AQR: variants seen among roughly 807,000 people sequenced by gnomAD.
AQR encodes the protein RNA helicase aquarius.
In AQR, 61 loss-of-function variants were observed where a neutral mutation model predicts 180.5. The ratio of observed to expected loss-of-function variants is 0.34; its 90% CI spans 0.28 to 0.42. The LOEUF is 0.42. Among genes scored for constraint, AQR ranks in the 10% least tolerant of loss-of-function variants. The pLI, the probability that AQR is intolerant of heterozygous loss-of-function variation, is 1.00. For missense variants in AQR, 1,281 were observed against 1,798.3 expected, an observed-to-expected ratio of 0.71 and a Z score of 5.20; for synonymous variants, 551 against 588.8, an observed-to-expected ratio of 0.94 and a Z score of 0.93.
chr15:34,950,320 C>G (rs1333066244), intron 4 of AQR, among the ~76,000 whole-genome samples: 1 of 151,968 alleles, frequency 6.6e-6, no homozygotes, highest in African/African-American at 2.4e-5. Flanking sequence ...GATCTCTTGA[C>G]CTTGTGATCC....
At chr15:34,906,110 C>T (rs1566986693) in intron 18 of AQR, among the ~76,000 whole-genome samples, 1 of 151,850 alleles carries the variant, frequency 6.6e-6, no homozygotes. Context: ...GGTGTGGTGG[C>T]GGCTCATGTC....
At chr15:34,885,384 CAA>C (rs1264013286) in intron 25 of AQR, among the ~76,000 whole-genome samples, 2 of 152,132 alleles carry the variant, frequency 1.3e-5, no homozygotes, top group Non-Finnish European at 2.9e-5. Flanking sequence ...CAGTGTTTCT[CAA>C]AAGTGTAGTC....
At position 34,884,671 on chromosome 15, in the gene AQR, C is replaced by T. The variant is rs751782513; in HGVS notation, c.2881G>A (p.Val961Ile). ...GGGAAGAAAGTGGAGACTTCCGTAA[C>T]ATCTGGCAATGTACTACCTTTATTT... ...VKNKGSTLPDVTEVSTFFPFH... is the reference protein window; with the variant it reads ...VKNKGSTLPDITEVSTFFPFH... The change falls in exon 26 of 35, where the codon GTT becomes ATT. Residue 961 changes from valine to isoleucine, a missense_variant. By Grantham distance (29) the Val-to-Ile change is conservative. This residue lies in a region of AQR where 125 missense variants were observed against 185.0 expected (regional missense o/e 0.68). Coordinates refer to ENST00000156471, the MANE Select transcript of AQR (RefSeq NM_014691.3). 59 of 1,612,492 alleles carry T rather than the reference C, an allele frequency of 3.7e-5. 1 individual carries two copies. Among genetic ancestry groups the T allele is most frequent in the Middle Eastern group, 3.3e-4 (2 of 6,040 alleles).
intron 3 of AQR, among the ~76,000 whole-genome samples, chr15:34,954,848 G>A (rs975425799): frequency 4.6e-5 from 7 of 152,150 alleles, no homozygotes; most frequent in Non-Finnish European, 1.0e-4. Flanking sequence ...GGAAGGCCGG[G>A]CATGGTGGCT....
chr15:34,906,803 T>C (rs1893426165), intron 17 of AQR, 91 bp from the exon 18 acceptor site: 1 of 1,285,626 alleles, frequency 7.8e-7, no homozygotes. Context: ...CTACCTCTTA[T>C]CTTTGGTAGA....
chr15:34,965,411 C>T (rs973152864), intron 1 of AQR, among the ~76,000 whole-genome samples: 1 of 152,186 alleles, frequency 6.6e-6, no homozygotes, highest in African/African-American at 2.4e-5. Flanking sequence ...TGGCTCATGC[C>T]TGTAATCTCA....
In AQR at chr15:34,915,040, T is replaced by C. The variant is rs767591260; in HGVS notation, c.1482A>G (p.Pro494=). The C allele has an allele frequency of 2.5e-6, 4 of 1,599,686 alleles. No homozygotes were observed. The highest frequency in any genetic ancestry group is 1.1e-5 in the South Asian group (1 of 87,332). The part of the protein sequence containing the change: ...DIEDSVSRMK[P]WQSEYGGVVF... The stretch of plus-strand genomic sequence containing the variant: ...ACAGGTGGAACCAATTTACTAACCA[T>C]GGCTTCATTCTGCTGACACTATCTT... Residue 494 remains proline, a splice_region_variant and synonymous_variant, in exon 16 of 35, where the codon CCA becomes CCG. Coordinates refer to ENST00000156471, the MANE Select transcript of AQR (RefSeq NM_014691.3).
intron 27 of AQR, among the ~76,000 whole-genome samples, chr15:34,876,378 A>T (rs1435547983): frequency 6.6e-6 from 1 of 152,044 alleles, no homozygotes; most frequent in Non-Finnish European, 1.5e-5. Context: ...TCCCTTTGGT[A>T]CTCTTACTCT....
chr15:34,922,581 G>A lies in AQR; in HGVS notation c.1119-2147C>T, dbSNP rs562146152. ...GTTTTTTTGGTTTTGTTGAGACAGG[G>A]TCTTACTCTGTCATCCAGGCTGAAG... On this transcript the variant is annotated intron_variant, in intron 13 of 34. Transcript: ENST00000156471. 9.9e-5 allele frequency among the ~76,000 whole-genome samples: 15 copies of A among 152,046 alleles called. No individual in the cohort carries two copies. The South Asian group carries it at 3.1e-3, about 32-fold the overall frequency.
chr15:34,908,571 TA>T (rs1893454342), intron 17 of AQR, among the ~76,000 whole-genome samples: 1 of 152,204 alleles, frequency 6.6e-6, no homozygotes, highest in African/African-American at 2.4e-5. Context: ...CTCTCCATCA[TA>T]CCCCAGATTA....
chr15:34,897,796 G>T, intron 20 of AQR, 91 bp from the exon 21 acceptor site: 1 of 1,365,186 alleles, frequency 7.3e-7, no homozygotes, highest in Non-Finnish European at 1.0e-6. Flanking sequence ...ACGATAATCA[G>T]AGGAGTAAGA....
intron 31 of AQR, 32 bp downstream of exon 31, chr15:34,870,716 GATGA>G (rs1892804448): frequency 6.4e-7 from 1 of 1,562,384 alleles, no homozygotes; most frequent in Non-Finnish European, 8.7e-7. Flanking sequence ...TTGCCAAAAT[GATGA>G]ATAAGAGAAC....
At chr15:34,928,226 T>C (rs1247592107) in intron 12 of AQR, among the ~76,000 whole-genome samples, 2 of 152,204 alleles carry the variant, frequency 1.3e-5, no homozygotes, top group African/African-American at 4.8e-5. Context: ...CCATTATTTA[T>C]TTATTTTTTC....
At chr15:34,903,636 T>A (rs1893367622) in intron 19 of AQR, among the ~76,000 whole-genome samples, 1 of 152,142 alleles carries the variant, frequency 6.6e-6, no homozygotes, top group Non-Finnish European at 1.5e-5. Flanking sequence ...ACAACAGGGT[T>A]ACATAAAAGT....
intron 9 of AQR, among the ~76,000 whole-genome samples, chr15:34,936,812 C>T (rs1893952220): frequency 1.3e-5 from 2 of 151,960 alleles, no homozygotes; most frequent in South Asian, 4.2e-4. Flanking sequence ...GCCCTATGTT[C>T]TTGCTTTTGA....
rs75184414 is a variant in AQR, at chr15:34,855,533, T to C, written c.*1259A>G. On this transcript the variant is annotated 3_prime_UTR_variant, in exon 35 of 35. Coordinates refer to ENST00000156471, the MANE Select transcript of AQR (RefSeq NM_014691.3). ...TACACATACATATAAACATTTCCTT[T>C]TTTTTTTTTTTTTTTCCAGTTCTGG... is the stretch of plus-strand genomic sequence containing the variant. 1.1e-4 allele frequency: 2 copies of C among 18,430 alleles called. No individual in the cohort carries two copies. The highest frequency in any genetic ancestry group is 5.1e-4 in the Non-Finnish European group (2 of 3,954). The allele number at this position is 18,430 out of a possible 1,614,324, so 1.1% of individuals were successfully genotyped here.
intron 3 of AQR, among the ~76,000 whole-genome samples, chr15:34,955,980 T>C (rs1414308015): frequency 6.6e-6 from 1 of 151,646 alleles, no homozygotes; most frequent in Non-Finnish European, 1.5e-5. Context: ...TTATTTAAAG[T>C]TGAAAAAGAA....
chr15:34,949,805 A>AC (rs1894191742), intron 4 of AQR, among the ~76,000 whole-genome samples: 1 of 142,502 alleles, frequency 7.0e-6, no homozygotes. Context: ...AAAAAAAAAA[A>AC]AAAAAAAACC....
rs182432903 is a variant in AQR, at chr15:34,877,657, T to A, written c.3166-1651A>T. Among the ~76,000 whole-genome samples the A allele has an allele frequency of 2.0e-5, 3 of 152,298 alleles. No homozygotes were observed. The South Asian group carries it at 6.2e-4, about 32-fold the overall frequency. ...GCTTTCTGAAAATCAATTCTGAAAA[T>A]ATAATGCAATTTTACTTATAAAAAC... On this transcript the variant is annotated intron_variant, in intron 27 of 34. Coordinates refer to ENST00000156471, the MANE Select transcript of AQR (RefSeq NM_014691.3).
Sources: allele counts gnomAD v4.1 joint callset (sites outside exome capture counted in the v4.1 genomes callset), GRCh38; gene constraint gnomAD v4.1.1; regional missense constraint gnomAD v4.1.1; transcripts MANE v1.5; gene names NCBI Gene and HGNC (gene_info 2026-07-23, HGNC 2026-07-21).